Variants in PKD2L1 observed in about 807,000 individuals in gnomAD.
The protein encoded by PKD2L1 is polycystin-2-like protein 1.
Under a neutral mutation model 93.0 loss-of-function variants are expected in PKD2L1, and 77 were observed. That is an observed-to-expected ratio of 0.83 (90% CI 0.69 to 1.00). The LOEUF is 1.00. Ranked by LOEUF, PKD2L1 falls within the 50% of genes least tolerant of loss-of-function variation. The probability of loss-of-function intolerance (pLI) is 0.00; values close to 1 mark genes in which losing one functional copy is unlikely to be tolerated. For synonymous variants in PKD2L1, 390 were observed against 388.0 expected (o/e 1.01, Z -0.06); for missense variants, 977 against 990.9 (o/e 0.99, Z 0.19).
chr10:100,298,905 G>T, intron 3 of PKD2L1, 90 bp from the exon 4 acceptor site: 1 of 1,196,686 alleles, frequency 8.4e-7, no homozygotes, highest in South Asian at 1.9e-5. Context: ...TGACTCCCCA[G>T]CTTGTCTCCA....
intron 2 of PKD2L1, among the ~76,000 whole-genome samples, chr10:100,321,904 C>CAAGG (rs71013443): frequency 0.03 from 282 of 9,472 alleles, 113 homozygotes; most frequent in African/African-American, 0.11. Context: ...GGGAAGGAAG[C>CAAGG]AAGGAAGGAA....
intron 2 of PKD2L1, among the ~76,000 whole-genome samples, chr10:100,304,727 C>T (rs1259054243): frequency 6.6e-6 from 1 of 152,166 alleles, no homozygotes; most frequent in Non-Finnish European, 1.5e-5. Context: ...TCAAGCTGAC[C>T]TCCGCTGTTA....
rs770073774 is a variant in PKD2L1 at position 100,294,672 on chromosome 10, G to C, written c.1539-17C>G. The C allele has an allele frequency of 2.5e-6, 4 of 1,614,034 alleles. No homozygotes were observed. Among genetic ancestry groups the C allele is most frequent in the Non-Finnish European group, 3.4e-6 (4 of 1,179,970 alleles). Reference sequence around the variant, plus strand: ...TGAGTGAAACTGAGAGACCAGGTCTGGGCTTTACCCAGAGCCTAACAAACA... The same window carrying C: ...TGAGTGAAACTGAGAGACCAGGTCTCGGCTTTACCCAGAGCCTAACAAACA... On this transcript the variant is annotated splice_polypyrimidine_tract_variant and intron_variant, in intron 8 of 15. Transcript: ENST00000318222.
At chr10:100,306,470 C>G (rs1848802021) in intron 2 of PKD2L1, among the ~76,000 whole-genome samples, 1 of 152,128 alleles carries the variant, frequency 6.6e-6, no homozygotes. Context: ...GCTTCCCACT[C>G]CAGGGGAAAA....
In PKD2L1 at chr10:100,288,493, G is replaced by A. The variant is rs756643462; in HGVS notation, c.2336-15C>T. On this transcript the variant is annotated splice_polypyrimidine_tract_variant and intron_variant, in intron 15 of 15. Coordinates refer to ENST00000318222, the MANE Select transcript of PKD2L1 (RefSeq NM_016112.3). ...ATAGGGAACCTCTGTGGGGGAAAAC[G>A]AGAAACCCATGGGTGCTAGCAACAA... 1.3e-5 allele frequency: 20 copies of A among 1,524,114 alleles called. No homozygotes were observed. The highest frequency in any genetic ancestry group is 4.5e-5 in the East Asian group (2 of 44,464). 94.4% of individuals were successfully genotyped at this position (1,524,114 alleles called of 1,614,324 possible).
chr10:100,325,934 CTGA>C (rs1849368918), intron 2 of PKD2L1, among the ~76,000 whole-genome samples: 1 of 152,200 alleles, frequency 6.6e-6, no homozygotes, highest in East Asian at 1.9e-4. Flanking sequence ...GATCACACAG[CTGA>C]TAATTGGGGA....
chr10:100,304,218 C>G (rs1848747912), intron 2 of PKD2L1, among the ~76,000 whole-genome samples: 2 of 152,184 alleles, frequency 1.3e-5, no homozygotes, highest in African/African-American at 4.8e-5. Context: ...ATTCAACACT[C>G]TCTCCCCATA....
At chr10:100,296,379 G>A (rs1848540152) in intron 6 of PKD2L1, 87 bp from the exon 7 acceptor site, 2 of 1,143,408 alleles carry the variant, frequency 1.7e-6, no homozygotes, top group African/African-American at 1.6e-5. Flanking sequence ...GAGAGTCAGG[G>A]TAGGTAAGAC....
At chr10:100,300,938 G>A (rs1416702522) in intron 2 of PKD2L1, among the ~76,000 whole-genome samples, 1 of 152,004 alleles carries the variant, frequency 6.6e-6, no homozygotes, top group East Asian at 1.9e-4. Context: ...GGGGGAACCT[G>A]CCCCCGATAA....
intron 2 of PKD2L1, among the ~76,000 whole-genome samples, chr10:100,316,752 T>C (rs1849109218): frequency 6.6e-6 from 1 of 152,224 alleles, no homozygotes; most frequent in Non-Finnish European, 1.5e-5. Context: ...ACAAACAGTT[T>C]TCATTTATTT....
At position 100,306,670 on chromosome 10, in the gene PKD2L1, G is replaced by A. The variant is rs1177444622; in HGVS notation, c.350-6952C>T. ...TGAGACAGGAGTTTGACACCAGCCC[G>A]GGCAACATGGCGAAACTCTTTCTCT... On this transcript the variant is annotated intron_variant, in intron 2 of 15. Transcript: ENST00000318222. Among the ~76,000 whole-genome samples the A allele has an allele frequency of 6.6e-5, 10 of 151,614 alleles. No homozygotes were observed. The South Asian group carries it at 1.3e-3, about 19-fold the overall frequency.
chr10:100,293,954 A>G (rs1241337962), intron 9 of PKD2L1, among the ~76,000 whole-genome samples: 3 of 152,108 alleles, frequency 2.0e-5, no homozygotes, highest in African/African-American at 7.2e-5. Flanking sequence ...AAAAGATACA[A>G]AAATTAGCGG....
intron 2 of PKD2L1, among the ~76,000 whole-genome samples, chr10:100,326,597 T>A (rs1186626287): frequency 6.6e-6 from 1 of 152,220 alleles, no homozygotes; most frequent in African/African-American, 2.4e-5. Context: ...TTTTGTCCAG[T>A]GCCAGGCATC....
rs1325319853 is a variant in PKD2L1, at chr10:100,295,110, A to T, written c.1370T>A (p.Ile457Asn). 1 of 1,613,622 alleles carries T rather than the reference A, an allele frequency of 6.2e-7. No homozygotes were observed. Among genetic ancestry groups the T allele is most frequent in the East Asian group, 2.2e-5 (1 of 44,894 alleles). ...FFAWIKIFKY[I>N]SFNKTMTQLS... The stretch of plus-strand genomic sequence containing the variant: ...CTGGGTCATGGTTTTGTTGAAGCTG[A>T]TGTACTTGAATATCTGGAAGGACCA... The change falls in exon 8 of 16, where the codon ATC becomes AAC. Residue 457 changes from isoleucine to asparagine, a missense_variant. Ile to Asn is a moderately radical substitution (Grantham distance 149, BLOSUM62 -3). Transcript: ENST00000318222.
At chr10:100,295,148 G>A in intron 7 of PKD2L1, 25 bp from the exon 8 acceptor site, 1 of 1,596,278 alleles carries the variant, frequency 6.3e-7, no homozygotes, top group Non-Finnish European at 8.6e-7. Context: ...TTGAACCAAG[G>A]GATGAAGAAG....
At chr10:100,321,533 G>T (rs1308915667) in intron 2 of PKD2L1, among the ~76,000 whole-genome samples, 1 of 148,742 alleles carries the variant, frequency 6.7e-6, no homozygotes, top group Non-Finnish European at 1.5e-5. Context: ...CATTAGCAGG[G>T]TGTGGTGGTG....
chr10:100,326,436 C>G (rs562707559), intron 2 of PKD2L1, among the ~76,000 whole-genome samples: 2 of 152,298 alleles, frequency 1.3e-5, no homozygotes, highest in Admixed American at 1.3e-4. Flanking sequence ...TTTCTATTCA[C>G]CTCCCTTTCA....
At chr10:100,310,044 G>A (rs1848898284) in intron 2 of PKD2L1, among the ~76,000 whole-genome samples, 1 of 152,192 alleles carries the variant, frequency 6.6e-6, no homozygotes, top group Non-Finnish European at 1.5e-5. Flanking sequence ...CTAGAAAAGA[G>A]GGCAGCAAGC....
At chr10:100,310,945 G>A (rs1848919231) in intron 2 of PKD2L1, among the ~76,000 whole-genome samples, 1 of 152,166 alleles carries the variant, frequency 6.6e-6, no homozygotes, top group African/African-American at 2.4e-5. Context: ...TGCCCAGGCT[G>A]GTCTCGAACT....
Sources: gnomAD v4.1 joint callset for allele counts (sites outside exome capture counted in the v4.1 genomes callset) on GRCh38, gnomAD v4.1.1 for gene constraint, MANE v1.5 for transcripts, NCBI Gene and HGNC (gene_info 2026-07-23, HGNC 2026-07-21) for gene names.